Variants in CCT3 observed in about 807,000 individuals in gnomAD.
CCT3 encodes the protein chaperonin containing TCP1 subunit 3.
CCT3 carries 10 observed loss-of-function variants against 65.3 expected under a neutral mutation model. The observed-to-expected ratio is 0.15, with a 90% CI of 0.09 to 0.26. The LOEUF (loss-of-function observed/expected upper bound fraction) is 0.26. CCT3 is among the 10% of genes least tolerant of loss of function. The pLI is 1.00. For synonymous variants in CCT3, 225 were observed against 242.3 expected, an observed-to-expected ratio of 0.93 and a Z score of 0.66; for missense variants, 626 against 708.7, an observed-to-expected ratio of 0.88 and a Z score of 1.33.
chr1:156,333,652 G>A lies in CCT3; in HGVS notation c.208-9C>T. 5 of 1,609,360 alleles carry A rather than the reference G, an allele frequency of 3.1e-6. No individual in the cohort carries two copies. The highest frequency in any genetic ancestry group is 4.3e-6 in the Non-Finnish European group (5 of 1,175,804). On this transcript the variant is annotated splice_polypyrimidine_tract_variant and intron_variant, in intron 4 of 13. Coordinates refer to ENST00000295688, the MANE Select transcript of CCT3 (RefSeq NM_005998.5). ...GGATGCTGGACTTGAATCTAAAAAG[G>A]TAGATCACTAGTGAATTCACACTAT...
chr1:156,328,726 C>CA (rs1281262503), intron 5 of CCT3, among the ~76,000 whole-genome samples: 1 of 152,062 alleles, frequency 6.6e-6, no homozygotes, highest in Non-Finnish European at 1.5e-5. Context: ...CTGCGGAAGG[C>CA]AGCAGGGTCC....
In CCT3 at chr1:156,309,063, G is replaced by A; in HGVS notation, c.*136C>T. 2 of 646,968 alleles carry A rather than the reference G, an allele frequency of 3.1e-6. No homozygotes were observed. The highest frequency in any genetic ancestry group is 3.8e-5 in the South Asian group (2 of 52,788). 40.1% of individuals were successfully genotyped at this position (646,968 alleles called of 1,614,324 possible). A position where few individuals can be genotyped will look rare whatever the true frequency, so the allele number is the denominator to read the frequency against. On this transcript the variant is annotated 3_prime_UTR_variant, in exon 14 of 14. Transcript: ENST00000295688. ...CAGTGTCTTTTGGAAAACTGAGCTG[G>A]GACAGAAAGGGACTGGGGGCTGCCC...
intron 5 of CCT3, among the ~76,000 whole-genome samples, chr1:156,329,567 A>C (rs1665017401): frequency 6.6e-6 from 1 of 151,872 alleles, no homozygotes; most frequent in Non-Finnish European, 1.5e-5. Context: ...GGCCTCCCAA[A>C]GTGCTGGGAT....
intron 5 of CCT3, among the ~76,000 whole-genome samples, chr1:156,326,151 T>C (rs541304690): frequency 3.0e-4 from 46 of 151,528 alleles, no homozygotes; most frequent in African/African-American, 9.9e-4. Flanking sequence ...CTGAGAAACA[T>C]AGCAAAACCC....
chr1:156,314,104 A>T (rs12036837), intron 10 of CCT3, among the ~76,000 whole-genome samples: 3 of 136,806 alleles, frequency 2.2e-5, no homozygotes, highest in South Asian at 2.3e-4. Flanking sequence ...AAAAAAAAAA[A>T]GTCAACATTA....
chr1:156,310,803 CA>C (rs1664052329), intron 12 of CCT3, 114 bp from the exon 13 acceptor site: 11 of 1,449,992 alleles, frequency 7.6e-6, no homozygotes, highest in Non-Finnish European at 9.5e-6. Flanking sequence ...ATGGCAATGA[CA>C]GCAAACAAGT....
intron 5 of CCT3, among the ~76,000 whole-genome samples, chr1:156,327,383 C>G (rs964108626): frequency 6.6e-6 from 1 of 152,182 alleles, no homozygotes; most frequent in Admixed American, 6.5e-5. Flanking sequence ...CTCACTGCAA[C>G]CTCCCTGCCT....
intron 5 of CCT3, among the ~76,000 whole-genome samples, chr1:156,326,649 C>CAAA (rs760908966): frequency 0.03 from 1,950 of 65,498 alleles, 44 homozygotes; most frequent in African/African-American, 0.036. Context: ...GACTCCATCT[C>CAAA]AAAAAAAAAA....
intron 5 of CCT3, among the ~76,000 whole-genome samples, chr1:156,327,478 A>AGACGGGGTTTCGCTGTGTTG (rs1394071144): frequency 6.6e-6 from 1 of 152,100 alleles, no homozygotes; most frequent in Non-Finnish European, 1.5e-5. Context: ...TTTTTGGTGG[A>AGACGGGGTTTCGCTGTGTTG]GACGGGGTTT....
intron 6 of CCT3, among the ~76,000 whole-genome samples, chr1:156,323,414 A>T (rs1034094804): frequency 7.1e-6 from 1 of 141,792 alleles, no homozygotes; most frequent in Non-Finnish European, 1.6e-5. Context: ...ATTTAAATAA[A>T]GAAAAAAAAA....
At chr1:156,321,666 G>A (rs535462593) in intron 6 of CCT3, among the ~76,000 whole-genome samples, 21 of 152,072 alleles carry the variant, frequency 1.4e-4, no homozygotes, top group Non-Finnish European at 2.5e-4. Context: ...TTGAGGTCAG[G>A]AGTTCGAGAC....
chr1:156,320,222 T>C (rs902329918), intron 7 of CCT3, among the ~76,000 whole-genome samples: 1 of 152,056 alleles, frequency 6.6e-6, no homozygotes, highest in East Asian at 1.9e-4. Flanking sequence ...CTGGCTAACA[T>C]GGTGAAACCC....
intron 13 of CCT3, 139 bp downstream of exon 13, chr1:156,310,419 G>A (rs572453567): frequency 3.4e-5 from 16 of 465,960 alleles, no homozygotes; most frequent in Non-Finnish European, 4.8e-5. Context: ...GCTTGAACCC[G>A]GGAGGCGGAG....
intron 10 of CCT3, among the ~76,000 whole-genome samples, chr1:156,314,190 T>C (rs750935646): frequency 6.6e-5 from 10 of 151,796 alleles, no homozygotes; most frequent in African/African-American, 1.9e-4. Context: ...ACAGTTGTTA[T>C]AGATAAAGCT....
At chr1:156,331,675 T>G (rs1237465083) in intron 5 of CCT3, among the ~76,000 whole-genome samples, 1 of 150,410 alleles carries the variant, frequency 6.6e-6, no homozygotes, top group Non-Finnish European at 1.5e-5. Flanking sequence ...AGAGCAAGAC[T>G]CTGTCTCAAA....
chr1:156,327,580 C>A lies in CCT3; in HGVS notation c.305-2491G>T, dbSNP rs532567861. ...GGTGCCGGGATTGCAGACGGAGTCT[C>A]GTTCACTCAGTGCTCAATGGTGCCC... On this transcript the variant is annotated intron_variant, in intron 5 of 13. Transcript: ENST00000295688. Among the ~76,000 whole-genome samples the A allele has an allele frequency of 1.3e-3, 191 of 152,206 alleles. 1 individual carries two copies. Among genetic ancestry groups the A allele is most frequent in the African/African-American group, 4.4e-3 (181 of 41,532 alleles).
At chr1:156,336,474 G>C (rs1222755725) in intron 1 of CCT3, among the ~76,000 whole-genome samples, 1 of 152,116 alleles carries the variant, frequency 6.6e-6, no homozygotes, top group Non-Finnish European at 1.5e-5. Flanking sequence ...ACAGCATACT[G>C]TTTAGAACAC....
At chr1:156,314,359 G>T (rs1228857713) in intron 10 of CCT3, among the ~76,000 whole-genome samples, 1 of 152,160 alleles carries the variant, frequency 6.6e-6, no homozygotes, top group Non-Finnish European at 1.5e-5. Context: ...GTGGTGAAGG[G>T]TTTCAAGATA....
intron 5 of CCT3, among the ~76,000 whole-genome samples, chr1:156,330,696 T>C (rs1394156982): frequency 2.0e-5 from 3 of 149,946 alleles, no homozygotes. Context: ...AAAATAAAAA[T>C]AAATAAATAA....
Sources: allele counts gnomAD v4.1 joint callset (sites outside exome capture counted in the v4.1 genomes callset), GRCh38; gene constraint gnomAD v4.1.1; transcripts MANE v1.5; gene names NCBI Gene and HGNC (gene_info 2026-07-23, HGNC 2026-07-21).